Variants in TBC1D5 observed in about 807,000 individuals in gnomAD.
The protein encoded by TBC1D5 is TBC1 domain family member 5.
A neutral mutation model predicts 100.3 loss-of-function variants in TBC1D5; 75 were observed. That is an observed-to-expected ratio of 0.75 (90% confidence interval 0.62 to 0.91). The LOEUF (loss-of-function observed/expected upper bound fraction) is 0.91. Among genes scored for constraint, TBC1D5 ranks in the 40% least tolerant of loss-of-function variants. The pLI is 0.00. For missense variants in TBC1D5, 910 were observed against 942.4 expected (o/e 0.97, Z 0.45); for synonymous variants, 323 against 325.6 (o/e 0.99, Z 0.09).
At chr3:17,594,507 C>T (rs2060437958) in intron 2 of TBC1D5, among the ~76,000 whole-genome samples, 1 of 152,160 alleles carries the variant, frequency 6.6e-6, no homozygotes, top group Admixed American at 6.5e-5. Context: ...GAATCAATAC[C>T]AGCTACAGTG....
intron 18 of TBC1D5, among the ~76,000 whole-genome samples, chr3:17,191,116 A>G (rs986586849): frequency 5.9e-5 from 9 of 152,320 alleles, no homozygotes; most frequent in Admixed American, 5.9e-4. Context: ...AGAGTATTAA[A>G]ATAAGTGGTA....
At chr3:17,531,003 G>A (rs2096215094) in intron 2 of TBC1D5, among the ~76,000 whole-genome samples, 1 of 152,130 alleles carries the variant, frequency 6.6e-6, no homozygotes, top group African/African-American at 2.4e-5. Flanking sequence ...GCAGGAGAAG[G>A]AAATAAAGGG....
chr3:17,722,540 T>C (rs2075790191), intron 1 of TBC1D5, among the ~76,000 whole-genome samples: 1 of 152,224 alleles, frequency 6.6e-6, no homozygotes, highest in African/African-American at 2.4e-5. Flanking sequence ...TTTTGGATCA[T>C]TTCAGATTTC....
chr3:17,270,866 TAG>T (rs1314597851), intron 15 of TBC1D5, among the ~76,000 whole-genome samples: 2 of 152,200 alleles, frequency 1.3e-5, no homozygotes, highest in South Asian at 2.1e-4. Flanking sequence ...ACTTATTGAA[TAG>T]AGAGTCTTTT....
Position 17,327,719 on chromosome 3 carries a change from C to T in TBC1D5, c.996-19585G>A, listed in dbSNP as rs186631653. ...TATTTTTTTCCATGGTACTTATTAC[C>T]GCCTAACATTACCTATATTTCATGT... On this transcript the variant is annotated intron_variant, in intron 13 of 21. Transcript: ENST00000253692. Among the ~76,000 whole-genome samples, 153 of 152,168 alleles carry T rather than the reference C, an allele frequency of 1.0e-3. 1 individual carries two copies. The highest frequency in any genetic ancestry group is 3.4e-3 in the African/African-American group (141 of 41,524).
chr3:17,354,745 T>G (rs979966118), intron 13 of TBC1D5, among the ~76,000 whole-genome samples: 3 of 151,348 alleles, frequency 2.0e-5, no homozygotes, highest in African/African-American at 7.3e-5. Flanking sequence ...GAAACTGATT[T>G]AACTAGATTA....
intron 4 of TBC1D5, among the ~76,000 whole-genome samples, chr3:17,413,934 A>C (rs2094000400): frequency 6.6e-6 from 1 of 152,228 alleles, no homozygotes; most frequent in Non-Finnish European, 1.5e-5. Flanking sequence ...TTAGGCTTCT[A>C]CTGACAATGA....
rs2094597614 is a variant in TBC1D5, at chr3:17,439,410, A to G, written c.98-10891T>C. Among the ~76,000 whole-genome samples, 3 of 152,190 alleles carry G rather than the reference A, an allele frequency of 2.0e-5. No homozygotes were observed. The South Asian group carries it at 6.2e-4, about 31-fold the overall frequency. ...AAAAAGCATAAATGGCATTTTTACT[A>G]AGACATTCCAAAGCCTAAATAAAGA... On this transcript the variant is annotated intron_variant, in intron 3 of 21. Coordinates refer to ENST00000253692, the Ensembl canonical transcript of TBC1D5.
At chr3:17,429,723 C>T (rs2094413226) in intron 3 of TBC1D5, among the ~76,000 whole-genome samples, 1 of 151,692 alleles carries the variant, frequency 6.6e-6, no homozygotes, top group Non-Finnish European at 1.5e-5. Flanking sequence ...TGACTGAATG[C>T]TGAAATGTAA....
intron 17 of TBC1D5, among the ~76,000 whole-genome samples, chr3:17,216,057 T>C (rs934154661): frequency 2.0e-5 from 3 of 152,098 alleles, no homozygotes; most frequent in African/African-American, 4.8e-5. Flanking sequence ...GAATGTTATA[T>C]TTCTTAGGAG....
chr3:17,735,955 C>T (rs1360485106), intron 1 of TBC1D5, among the ~76,000 whole-genome samples: 2 of 152,232 alleles, frequency 1.3e-5, no homozygotes, highest in East Asian at 3.8e-4. Context: ...GGTTGCCGCT[C>T]CCTGCTCTAA....
intron 1 of TBC1D5, among the ~76,000 whole-genome samples, chr3:17,737,357 T>C (rs899308249): frequency 6.6e-6 from 1 of 152,228 alleles, no homozygotes; most frequent in Non-Finnish European, 1.5e-5. Flanking sequence ...TTAACCAACA[T>C]GTGTTACTCA....
At chr3:17,256,022 C>T (rs6790367) in intron 16 of TBC1D5, among the ~76,000 whole-genome samples, 9,229 of 152,042 alleles carry the variant, frequency 0.061, 501 homozygotes, top group East Asian at 0.18. Flanking sequence ...GGCGACAAAG[C>T]GAGACTCGGT....
intron 2 of TBC1D5, among the ~76,000 whole-genome samples, chr3:17,621,354 T>A (rs979151140): frequency 6.6e-6 from 1 of 152,200 alleles, no homozygotes; most frequent in Admixed American, 6.6e-5. Context: ...AGTGCCAAGA[T>A]CTTGTTCGCT....
intron 2 of TBC1D5, among the ~76,000 whole-genome samples, chr3:17,538,730 C>A (rs1417204520): frequency 6.6e-6 from 1 of 152,202 alleles, no homozygotes; most frequent in Non-Finnish European, 1.5e-5. Flanking sequence ...AACTTGTCAA[C>A]AGAGTTTACC....
chr3:17,290,799 C>T (rs761623274), intron 15 of TBC1D5, among the ~76,000 whole-genome samples: 1 of 152,080 alleles, frequency 6.6e-6, no homozygotes, highest in African/African-American at 2.4e-5. Context: ...CCTTATACAT[C>T]GGAGAAATAA....
intron 1 of TBC1D5, among the ~76,000 whole-genome samples, chr3:17,650,615 A>T (rs1023707967): frequency 1.3e-5 from 2 of 152,206 alleles, no homozygotes; most frequent in Non-Finnish European, 2.9e-5. Context: ...CATACTTTTG[A>T]ATTTGGTACG....
intron 2 of TBC1D5, among the ~76,000 whole-genome samples, chr3:17,533,913 T>TAGATAGATAGATAGATAGA (rs540629346): frequency 6.6e-6 from 1 of 152,176 alleles, no homozygotes. Context: ...GATAGATAGA[T>TAGATAGATAGATAGATAGA]TCATTTCATA....
chr3:17,275,275 T>C (rs1490260931), intron 15 of TBC1D5, among the ~76,000 whole-genome samples: 1 of 152,054 alleles, frequency 6.6e-6, no homozygotes, highest in Non-Finnish European at 1.5e-5. Flanking sequence ...GGTATGGTGG[T>C]TTATGCCTGT....
Sources: allele counts gnomAD v4.1 joint callset (sites outside exome capture counted in the v4.1 genomes callset), GRCh38; gene constraint gnomAD v4.1.1; transcripts MANE v1.5; gene names NCBI Gene and HGNC (gene_info 2026-07-23, HGNC 2026-07-21).